Variants in ZNF454 observed in about 807,000 individuals in gnomAD.
The protein encoded by ZNF454 is zinc finger protein 454.
ZNF454 carries 30 observed loss-of-function variants against 48.2 expected under a neutral mutation model. That is an observed-to-expected ratio of 0.62 (90% CI 0.47 to 0.84). The LOEUF (loss-of-function observed/expected upper bound fraction) is 0.84, where lower values mean the gene tolerates loss of function less well. Ranked by LOEUF, ZNF454 falls within the 40% of genes least tolerant of loss-of-function variation. The pLI, the probability that ZNF454 is intolerant of heterozygous loss-of-function variation, is 0.00. For synonymous variants in ZNF454, 204 were observed against 211.4 expected (o/e 0.97, Z 0.30); for missense variants, 510 against 623.1 (o/e 0.82, Z 1.93).
intron 4 of ZNF454, among the ~76,000 whole-genome samples, chr5:178,960,126 T>C (rs1181394226): frequency 2.6e-5 from 4 of 151,486 alleles, no homozygotes; most frequent in Non-Finnish European, 4.4e-5. Context: ...ATTTTTAAAA[T>C]TTTTTGTAGA....
At chr5:178,986,086 C>A in the ZNF454 span, 1 of 1,577,502 alleles carries the variant, frequency 6.3e-7, no homozygotes, top group South Asian at 1.2e-5. Flanking sequence ...ACGTTGCGGA[C>A]AGTCCCCCTC....
chr5:178,982,777 A>T, the ZNF454 span: 1 of 688,292 alleles, frequency 1.5e-6, no homozygotes, highest in Non-Finnish European at 2.7e-6. Context: ...CAAAGTAAGA[A>T]GGGAATGAGT....
At chr5:178,958,901 GT>G (rs893223027) in intron 4 of ZNF454, among the ~76,000 whole-genome samples, 2 of 152,034 alleles carry the variant, frequency 1.3e-5, no homozygotes, top group Non-Finnish European at 2.9e-5. Flanking sequence ...TTATAGGGCT[GT>G]ATATTTGAAA....
At chr5:178,984,177 T>TGGG in the ZNF454 span, among the ~76,000 whole-genome samples, 1,527 of 149,786 alleles carry the variant, frequency 0.01, 74 homozygotes, top group East Asian at 0.15. Flanking sequence ...AGGCTCCAGG[T>TGGG]GGAAAAAAAA....
chr5:178,982,885 C>T, the ZNF454 span: 29 of 1,561,600 alleles, frequency 1.9e-5, no homozygotes, highest in African/African-American at 2.0e-4. Flanking sequence ...AAACAGGCAG[C>T]GAGACCTCCT....
chr5:178,956,768 C>T lies in ZNF454; in HGVS notation c.251-7887C>T, dbSNP rs35750616. On this transcript the variant is annotated intron_variant, in intron 4 of 4. Transcript: ENST00000519564. Reference sequence around the variant, plus strand: ...TCACTCAGGCTGGAGTGCAGTGGCACGATCTCGGCTCACTGCAAGCTCTGC... The same window carrying T: ...TCACTCAGGCTGGAGTGCAGTGGCATGATCTCGGCTCACTGCAAGCTCTGC... The T allele has an allele frequency of 9.2e-3, 1,470 of 160,010 alleles. 84 individuals are homozygous for T. In the East Asian group the frequency reaches 0.13, roughly 14 times the overall value. 9.9% of individuals were successfully genotyped at this position (160,010 alleles called of 1,614,324 possible).
intron 4 of ZNF454, among the ~76,000 whole-genome samples, chr5:178,955,630 A>G (rs983686571): frequency 3.3e-5 from 5 of 152,186 alleles, no homozygotes; most frequent in Non-Finnish European, 7.3e-5. Context: ...ATATTAGTCT[A>G]TAGTTTCCTT....
At chr5:178,972,058 C>G in the ZNF454 span, among the ~76,000 whole-genome samples, 6 of 152,120 alleles carry the variant, frequency 3.9e-5, no homozygotes, top group African/African-American at 1.2e-4. Flanking sequence ...TTCAGCCTCC[C>G]TAGTAGTTGG....
chr5:178,983,279 C>T, the ZNF454 span: 1 of 1,475,680 alleles, frequency 6.8e-7, no homozygotes, highest in Non-Finnish European at 9.4e-7. Context: ...TCCATTCCAG[C>T]CCTGACAGAG....
chr5:178,982,692 T>TAAAA, the ZNF454 span: 40 of 432,624 alleles, frequency 9.2e-5, no homozygotes, highest in East Asian at 2.7e-4. Flanking sequence ...ATGAAAATGA[T>TAAAA]AAAAAAAAAA....
At chr5:178,971,454 T>C in the ZNF454 span, among the ~76,000 whole-genome samples, 505 of 152,028 alleles carry the variant, frequency 3.3e-3, 4 homozygotes, top group African/African-American at 0.012. Flanking sequence ...GGCAGAGGAA[T>C]GTTGCTTCTG....
chr5:178,985,353 C>T, the ZNF454 span: 1 of 424,448 alleles, frequency 2.4e-6, no homozygotes, highest in Non-Finnish European at 4.7e-6. Context: ...AGATGGCGGC[C>T]CTAACTGAGC....
rs964375137 is a variant in ZNF454, at chr5:178,948,553, G to C, written c.250+1567G>C. On this transcript the variant is annotated intron_variant, in intron 4 of 4. Coordinates refer to ENST00000519564, the MANE Select transcript of ZNF454 (RefSeq NM_001178089.3). Reference sequence around the variant, plus strand: ...GTGCCTACAGAGATTTCATAGTCAGGTGTGGGTGATGACATGAAGGTACAG... The same window carrying C: ...GTGCCTACAGAGATTTCATAGTCAGCTGTGGGTGATGACATGAAGGTACAG... Among the ~76,000 whole-genome samples the C allele has an allele frequency of 3.3e-5, 5 of 152,240 alleles. No homozygotes were observed. In the East Asian group the frequency reaches 9.7e-4, roughly 29 times the overall value.
rs1449717565 is a variant in ZNF454, at chr5:178,944,547, T to C, written c.33+1723T>C. Among the ~76,000 whole-genome samples the C allele has an allele frequency of 6.6e-6, 1 of 152,234 alleles. No individual in the cohort carries two copies. Among genetic ancestry groups the C allele is most frequent in the African/African-American group, 2.4e-5 (1 of 41,462 alleles). The stretch of plus-strand genomic sequence containing the variant: ...TCATGGCTTCCATCCAAGTGTTTCT[T>C]GACTGCCTGTCATGGGCCAAGTCTC... On this transcript the variant is annotated intron_variant, in intron 2 of 4. Transcript: ENST00000519564. The surrounding 1 kb of genome is among the most constrained non-coding windows in gnomAD (Gnocchi z 4.1).
chr5:178,963,785 T>C (rs1292896643), intron 4 of ZNF454, among the ~76,000 whole-genome samples: 4 of 151,796 alleles, frequency 2.6e-5, no homozygotes. Flanking sequence ...CTTATTTTTT[T>C]AGTAGATATG....
chr5:178,959,174 A>G (rs1759896988), intron 4 of ZNF454, among the ~76,000 whole-genome samples: 1 of 152,084 alleles, frequency 6.6e-6, no homozygotes, highest in Non-Finnish European at 1.5e-5. Context: ...ATTGCTCATT[A>G]TTTTCTATAG....
chr5:178,946,747 T>C lies in ZNF454; in HGVS notation c.161-150T>C. The C allele has an allele frequency of 1.3e-6, 1 of 785,438 alleles. No individual in the cohort carries two copies. Among genetic ancestry groups the C allele is most frequent in the Non-Finnish European group, 2.1e-6 (1 of 483,174 alleles). The allele number at this position is 785,438 out of a possible 1,614,324, so 48.7% of individuals were successfully genotyped here. A position where few individuals can be genotyped will look rare whatever the true frequency, so the allele number is the denominator to read the frequency against. Reference sequence around the variant, plus strand: ...AAGATTGTGTCAGGCCTGAGTAATCTTTTCCTCCCTCTGGGAACACACCTG... The same window carrying C: ...AAGATTGTGTCAGGCCTGAGTAATCCTTTCCTCCCTCTGGGAACACACCTG... On this transcript the variant is annotated intron_variant, in intron 3 of 4. Transcript: ENST00000519564. The surrounding 1 kb of genome is among the most constrained non-coding windows in gnomAD (Gnocchi z 4.5).
chr5:178,986,244 G>C, the ZNF454 span: 2 of 1,614,198 alleles, frequency 1.2e-6, no homozygotes, highest in South Asian at 1.1e-5. Context: ...GGTTGGTCTT[G>C]GTGAGCAGGG....
chr5:178,963,588 C>T (rs534492876), intron 4 of ZNF454, among the ~76,000 whole-genome samples: 1 of 151,702 alleles, frequency 6.6e-6, no homozygotes, highest in East Asian at 2.0e-4. Flanking sequence ...GGAATCTAGC[C>T]CTTAGTTTTA....
Sources: allele counts gnomAD v4.1 joint callset (sites outside exome capture counted in the v4.1 genomes callset), GRCh38; gene constraint gnomAD v4.1.1; non-coding constraint Gnocchi (gnomAD v3.1); transcripts MANE v1.5; gene names NCBI Gene and HGNC (gene_info 2026-07-23, HGNC 2026-07-21).